The following PNPLA2 variants were observed in gnomAD, a reference collection of about 807,000 sequenced individuals.
The protein encoded by PNPLA2 is patatin-like phospholipase domain-containing protein 2.
In PNPLA2, 28 loss-of-function variants were observed where a neutral mutation model predicts 39.7. That is an observed-to-expected ratio of 0.70 (90% CI 0.52 to 0.97). The LOEUF (loss-of-function observed/expected upper bound fraction) is 0.97, where lower values mean the gene tolerates loss of function less well. PNPLA2 is among the 50% of genes least tolerant of loss of function. The pLI, the probability that PNPLA2 is intolerant of heterozygous loss-of-function variation, is 0.00. For missense variants in PNPLA2, 768 were observed against 698.2 expected (o/e 1.10, Z -1.13); for synonymous variants, 392 against 321.1 (o/e 1.22, Z -2.36).
chr11:822,594 G>T lies in PNPLA2; in HGVS notation c.684G>T (p.Pro228=), dbSNP rs764373378. ...NLYRLSKALF[P]PEPLVLREMC... is the part of the protein sequence containing the mutation. Reference sequence around the variant, plus strand: ...ACCGCCTCTCCAAGGCCCTCTTCCCGCCGGAGCCCCTGGTGAGCTCTGCTC... The same window carrying T: ...ACCGCCTCTCCAAGGCCCTCTTCCCTCCGGAGCCCCTGGTGAGCTCTGCTC... The change falls in exon 5 of 10, where the codon CCG becomes CCT. Residue 228 remains proline (P), a synonymous_variant. Transcript: ENST00000336615. 4 of 1,613,230 alleles carry T rather than the reference G, an allele frequency of 2.5e-6. No homozygotes were observed. Among genetic ancestry groups the T allele is most frequent in the Non-Finnish European group, 3.4e-6 (4 of 1,179,810 alleles).
Position 819,844 on chromosome 11 carries a change from C to G in PNPLA2, c.126C>G (p.His42Gln). ...CCTTCCTGGTGGCCAACGCCACGCA[C>G]ATCTACGGCGCCTCGGCCGGGGCGC... The part of the protein sequence containing the change: ...HAPFLVANAT[H>Q]IYGASAGALT... The change falls in exon 2 of 10, where the codon CAC (histidine) becomes CAG (glutamine). Residue 42 changes from histidine (H) to glutamine (Q), a missense_variant. Coordinates refer to ENST00000336615, the MANE Select transcript of PNPLA2 (RefSeq NM_020376.4). The G allele has an allele frequency of 6.8e-7, 1 of 1,475,422 alleles. No individual in the cohort carries two copies. Among genetic ancestry groups the G allele is most frequent in the Non-Finnish European group, 9.0e-7 (1 of 1,112,776 alleles). The allele number at this position is 1,475,422 out of a possible 1,614,324, so 91.4% of individuals were successfully genotyped here. A position where few individuals can be genotyped will look rare whatever the true frequency, so the allele number is the denominator to read the frequency against.
In PNPLA2 at chr11:824,092, C is replaced by T; in HGVS notation, c.1014C>T (p.Tyr338=). The change falls in exon 8 of 10, where the codon TAC becomes TAT. Residue 338 remains tyrosine (Y), a synonymous_variant. Coordinates refer to ENST00000336615, the MANE Select transcript of PNPLA2 (RefSeq NM_020376.4). ...TGGCCACGGCCATGATGGTGCCCTA[C>T]ACGCTGCCGCTGGAGAGCGCTCTGT... is the stretch of plus-strand genomic sequence containing the variant. The part of the protein sequence containing the change: ...VRLATAMMVP[Y]TLPLESALSF... 2 of 1,604,726 alleles carry T rather than the reference C, an allele frequency of 1.2e-6. No individual in the cohort carries two copies. The highest frequency in any genetic ancestry group is 8.5e-7 in the Non-Finnish European group (1 of 1,176,920).
rs1845786253 is a variant in PNPLA2, at chr11:824,231, CAAGTCAGGGCA to C, written c.1053-82_1053-72del. On this transcript the variant is annotated intron_variant, in intron 8 of 9. Transcript: ENST00000336615. ...GAAGGTGGGGTGGGGTGAGCAGTGC[CAAGTCAGGGCA>C]CAGACAGGGCCCGGCGGGTGGGCAT... 15 of 1,547,752 alleles carry C rather than the reference CAAGTCAGGGCA, an allele frequency of 9.7e-6. No individual in the cohort carries two copies. In the Admixed American group the frequency reaches 2.9e-4, roughly 30 times the overall value.
At chr11:823,341 G>A (rs11246322) in intron 5 of PNPLA2, among the ~76,000 whole-genome samples, 186 bp from the exon 6 acceptor site, 3 of 152,208 alleles carry the variant, frequency 2.0e-5, no homozygotes, top group Non-Finnish European at 4.4e-5. Context: ...ACAGGTGTAA[G>A]CCACTGCGCC....
rs1458057753 is a variant in PNPLA2, at chr11:824,518, C to T, written c.1176-5C>T. The T allele has an allele frequency of 2.2e-5, 34 of 1,546,754 alleles. No individual in the cohort carries two copies. The highest frequency in any genetic ancestry group is 2.9e-5 in the Non-Finnish European group (33 of 1,148,360). ...AGCCCTCCCTGCCGCATCCCTGCCC[C>T]GCAGGCTGCCGGAGCAGGTGGAGCT... On this transcript the variant is annotated splice_region_variant and splice_polypyrimidine_tract_variant and intron_variant, in intron 9 of 9. Coordinates refer to ENST00000336615, the MANE Select transcript of PNPLA2 (RefSeq NM_020376.4).
intron 5 of PNPLA2, among the ~76,000 whole-genome samples, chr11:823,065 A>T (rs1282710344): frequency 4.3e-5 from 6 of 139,232 alleles, no homozygotes; most frequent in Non-Finnish European, 7.8e-5. Flanking sequence ...TTATTTTTTT[A>T]TTTTTTTTTT....
At chr11:823,403 G>A (rs1036628197) in intron 5 of PNPLA2, 124 bp from the exon 6 acceptor site, 17 of 848,820 alleles carry the variant, frequency 2.0e-5, no homozygotes, top group Non-Finnish European at 2.8e-5. Flanking sequence ...CTGGATCTAG[G>A]ATAGGTTTTG....
rs376202148 is a variant in PNPLA2 at position 822,620 on chromosome 11, C to T, written c.696+14C>T. 59 of 1,605,674 alleles carry T rather than the reference C, an allele frequency of 3.7e-5. 1 individual carries two copies. In the South Asian group the frequency reaches 4.0e-4, roughly 11 times the overall value. On this transcript the variant is annotated intron_variant, in intron 5 of 9. Transcript: ENST00000336615. ...CCGGAGCCCCTGGTGAGCTCTGCTC[C>T]GAGGACTGTGGCCTTCCCAGCCACT...
Position 822,539 on chromosome 11 carries a change from C to T in PNPLA2, c.629C>T (p.Thr210Ile). Residue 210 changes from threonine (T) to isoleucine (I), a missense_variant, in exon 5 of 10, where the codon ACC (threonine) becomes ATC (isoleucine). Transcript: ENST00000336615. ...ATCCACGAGCTGCGGGTCACCAACA[C>T]CAGCATCCAGTTCAACCTGCGCAAC... is the stretch of plus-strand genomic sequence containing the variant. ...TNIHELRVTN[T>I]SIQFNLRNLY... The T allele has an allele frequency of 3.1e-6, 5 of 1,614,092 alleles. No homozygotes were observed. Among genetic ancestry groups the T allele is most frequent in the Non-Finnish European group, 4.2e-6 (5 of 1,180,030 alleles).
At chr11:823,638 C>A (rs368530271) in intron 6 of PNPLA2, 51 bp downstream of exon 6, 174 of 1,601,560 alleles carry the variant, frequency 1.1e-4, no homozygotes, top group Admixed American at 3.9e-4. Context: ...TCTGCTACCC[C>A]CTGCGGGCCG....
chr11:824,890 C>T lies in PNPLA2; in HGVS notation c.*28C>T, dbSNP rs753667300. On this transcript the variant is annotated 3_prime_UTR_variant, in exon 10 of 10. Transcript: ENST00000336615. ...CCCCGACCCTCTCGAGGAACCCTGC[C>T]TGAGACGCCTCCATTACCACTGCGC... 4.0e-6 allele frequency: 6 copies of T among 1,491,552 alleles called. No homozygotes were observed. In the African/African-American group the frequency reaches 5.5e-5, roughly 14 times the overall value. The allele number at this position is 1,491,552 out of a possible 1,614,324, so 92.4% of individuals were successfully genotyped here. A position where few individuals can be genotyped will look rare whatever the true frequency, so the allele number is the denominator to read the frequency against.
In PNPLA2 at chr11:824,300, C is replaced by T. The variant is rs1338592243; in HGVS notation, c.1053-14C>T. The T allele has an allele frequency of 5.2e-6, 8 of 1,550,210 alleles. No individual in the cohort carries two copies. In the African/African-American group the frequency reaches 8.2e-5, roughly 16 times the overall value. On this transcript the variant is annotated splice_polypyrimidine_tract_variant and intron_variant, in intron 8 of 9. Coordinates refer to ENST00000336615, the MANE Select transcript of PNPLA2 (RefSeq NM_020376.4). Reference sequence around the variant, plus strand: ...TGGCCAAGTCCCTGAACGCGCCGCTCGCCCTGTCCCCAGCTTGCTGGAGTG... The same window carrying T: ...TGGCCAAGTCCCTGAACGCGCCGCTTGCCCTGTCCCCAGCTTGCTGGAGTG...
rs1338537367 is a variant in PNPLA2, at chr11:824,752, C to T, written c.1405C>T (p.Pro469Ser). The T allele has an allele frequency of 2.6e-6, 4 of 1,564,328 alleles. No individual in the cohort carries two copies. The South Asian group carries it at 3.5e-5, about 13-fold the overall frequency. The change falls in exon 10 of 10, where the codon CCC becomes TCC. Residue 469 changes from proline to serine, a missense_variant. By Grantham distance (74) the Pro-to-Ser change is moderately conservative (BLOSUM62 -1). Transcript: ENST00000336615. ...CATGCGCGCACCCGCCGACCCGGCTCCCGCCCCCGCGGACCCAGCATCCCC... is the reference window on the plus strand; with the variant it reads ...CATGCGCGCACCCGCCGACCCGGCTTCCGCCCCCGCGGACCCAGCATCCCC... ...LRMRAPADPA[P>S]APADPASPQH...
At chr11:820,723 G>A (rs1845640229) in intron 2 of PNPLA2, 1 of 152,270 alleles carries the variant, frequency 6.6e-6, no homozygotes, top group African/African-American at 2.4e-5. Flanking sequence ...TTTGTCCTGG[G>A]AGGGAGGGGG....
Position 823,636 on chromosome 11 carries a change from C to A in PNPLA2, c.757+49C>A, listed in dbSNP as rs751186026. On this transcript the variant is annotated intron_variant, in intron 6 of 9. Coordinates refer to ENST00000336615, the MANE Select transcript of PNPLA2 (RefSeq NM_020376.4). ...GGCGGGGTGGGCTCGGCTCTGCTAC[C>A]CCCTGCGGGCCGCGGCCGCGCTGAT... The A allele has an allele frequency of 2.1e-5, 34 of 1,600,826 alleles. No individual in the cohort carries two copies. In the South Asian group the frequency reaches 3.7e-4, roughly 17 times the overall value.
intron 2 of PNPLA2, 38 bp from the exon 3 acceptor site, chr11:821,590 C>A: frequency 6.8e-7 from 1 of 1,476,166 alleles, no homozygotes; most frequent in Non-Finnish European, 9.5e-7. Context: ...TTGCTAAGCC[C>A]AGGAGCATGG....
At chr11:823,623 T>C in intron 6 of PNPLA2, 36 bp downstream of exon 6, 1 of 1,603,384 alleles carries the variant, frequency 6.2e-7, no homozygotes, top group Non-Finnish European at 8.5e-7. Flanking sequence ...CGGGGTGGGC[T>C]CGGCTCTGCT....
At position 825,063 on chromosome 11, in the gene PNPLA2, TC is replaced by T; in HGVS notation, c.*204del. On this transcript the variant is annotated 3_prime_UTR_variant, in exon 10 of 10. Coordinates refer to ENST00000336615, the MANE Select transcript of PNPLA2 (RefSeq NM_020376.4). ...GCCCCGCGCACCTGTGCCTTAATCT[TC>T]CCTCCCCTGTGCTGCCCGAGCACCT... 9.7e-6 allele frequency: 6 copies of T among 618,498 alleles called. No homozygotes were observed. The South Asian group carries it at 1.1e-4, about 11-fold the overall frequency. The allele number at this position is 618,498 out of a possible 1,614,324, so 38.3% of individuals were successfully genotyped here.
At position 825,089 on chromosome 11, in the gene PNPLA2, TC is replaced by T. The variant is rs1368517082; in HGVS notation, c.*232del. ...CCCTCCCCTGTGCTGCCCGAGCACC[TC>T]CCCCGCCCCTTTACTCCTGAGAACT... On this transcript the variant is annotated 3_prime_UTR_variant, in exon 10 of 10. Transcript: ENST00000336615. 3.5e-6 allele frequency: 2 copies of T among 569,558 alleles called. No individual in the cohort carries two copies. The highest frequency in any genetic ancestry group is 6.2e-6 in the Non-Finnish European group (2 of 324,840). 35.3% of individuals were successfully genotyped at this position (569,558 alleles called of 1,614,324 possible).
Sources: allele counts gnomAD v4.1 joint callset (sites outside exome capture counted in the v4.1 genomes callset), GRCh38; gene constraint gnomAD v4.1.1; transcripts MANE v1.5; gene names NCBI Gene and HGNC (gene_info 2026-07-23, HGNC 2026-07-21).